ERBB4: variants seen among roughly 807,000 people sequenced by gnomAD.
The protein encoded by ERBB4 is erb-b2 receptor tyrosine kinase 4, also known as receptor tyrosine-protein kinase erbB-4.
ERBB4 carries 42 observed loss-of-function variants against 158.0 expected under a neutral mutation model. The ratio of observed to expected loss-of-function variants is 0.27; its 90% CI spans 0.21 to 0.34. The LOEUF (loss-of-function observed/expected upper bound fraction) is 0.34, where lower values mean the gene tolerates loss of function less well. ERBB4 is among the 10% of genes least tolerant of loss of function. The pLI is 1.00. For synonymous variants in ERBB4, 583 were observed against 558.7 expected, an observed-to-expected ratio of 1.04 and a Z score of -0.61; for missense variants, 1,333 against 1,624.1, an observed-to-expected ratio of 0.82 and a Z score of 3.08.
At chr2:211,731,968 A>G (rs911614830) in intron 5 of ERBB4, among the ~76,000 whole-genome samples, 5 of 152,094 alleles carry the variant, frequency 3.3e-5, no homozygotes, top group African/African-American at 9.7e-5. Flanking sequence ...CCCATCTCCT[A>G]TATTCTGACT....
chr2:212,538,388 A>C, intron 1 of ERBB4, 61 bp downstream of exon 1: 65 of 1,389,348 alleles, frequency 4.7e-5, no homozygotes, highest in Non-Finnish European at 6.2e-5. Context: ...CAGGGGAGCC[A>C]CTCGAGGCAG....
chr2:212,494,408 C>G (rs974229212), intron 1 of ERBB4, among the ~76,000 whole-genome samples: 4 of 151,908 alleles, frequency 2.6e-5, no homozygotes, highest in Admixed American at 6.6e-5. Context: ...TAAAATTGAC[C>G]TGGGATTAAT....
At chr2:211,930,098 A>T (rs2080132768) in intron 3 of ERBB4, among the ~76,000 whole-genome samples, 1 of 152,132 alleles carries the variant, frequency 6.6e-6, no homozygotes, top group Non-Finnish European at 1.5e-5. Flanking sequence ...TTTTTTTAAC[A>T]TAGTTATGCT....
chr2:211,579,909 C>A (rs1176875000), intron 19 of ERBB4, among the ~76,000 whole-genome samples: 1 of 152,044 alleles, frequency 6.6e-6, no homozygotes, highest in Non-Finnish European at 1.5e-5. Context: ...CACACATTAA[C>A]CTACGTAACC....
chr2:212,074,627 G>A (rs919327927), intron 2 of ERBB4, among the ~76,000 whole-genome samples: 2 of 151,838 alleles, frequency 1.3e-5, no homozygotes, highest in Admixed American at 6.6e-5. Context: ...GGGAGACAAT[G>A]GTTATCTCCA....
intron 1 of ERBB4, among the ~76,000 whole-genome samples, chr2:212,193,857 G>A (rs1474258): frequency 0.98 from 149,124 of 152,094 alleles, 73,201 homozygotes; most frequent in Middle Eastern, 1. Flanking sequence ...GCTTCAAGGG[G>A]CCAGTAATGT....
At position 211,378,619 on chromosome 2, in the gene ERBB4, C is replaced by T. The variant is rs2062520624; in HGVS notation, c.*4996G>A. On this transcript the variant is annotated 3_prime_UTR_variant, in exon 28 of 28. Transcript: ENST00000342788. Reference sequence around the variant, plus strand: ...GATCAGAAAAATTTTATTAATTCTACCCAGAAGTATAAAAACTGGCCCCAT... The same window carrying T: ...GATCAGAAAAATTTTATTAATTCTATCCAGAAGTATAAAAACTGGCCCCAT... The T allele has an allele frequency of 1.3e-5, 3 of 232,432 alleles. No individual in the cohort carries two copies. In the East Asian group the frequency reaches 1.8e-4, roughly 14 times the overall value. The allele number at this position is 232,432 out of a possible 1,614,324, so 14.4% of individuals were successfully genotyped here. A position where few individuals can be genotyped will look rare whatever the true frequency, so the allele number is the denominator to read the frequency against.
intron 12 of ERBB4, among the ~76,000 whole-genome samples, chr2:211,694,804 TG>T (rs2072954382): frequency 6.6e-6 from 1 of 152,184 alleles, no homozygotes; most frequent in African/African-American, 2.4e-5. Flanking sequence ...CTTGGTAGGC[TG>T]CATTTTGTTT....
intron 2 of ERBB4, among the ~76,000 whole-genome samples, chr2:211,977,417 T>TTTTG (rs748982281): frequency 2.6e-5 from 4 of 151,932 alleles, no homozygotes; most frequent in Non-Finnish European, 4.4e-5. Context: ...ATCTATTATT[T>TTTTG]TTTGTTTGTT....
chr2:211,432,880 G>A (rs1454753637), intron 20 of ERBB4, among the ~76,000 whole-genome samples: 2 of 152,200 alleles, frequency 1.3e-5, no homozygotes, highest in Non-Finnish European at 2.9e-5. Context: ...GGCGGATAGG[G>A]AATAAAAACT....
chr2:212,255,858 T>A (rs1028475075), intron 1 of ERBB4, among the ~76,000 whole-genome samples: 3 of 152,140 alleles, frequency 2.0e-5, no homozygotes, highest in African/African-American at 7.2e-5. Context: ...TCTCCCTCTG[T>A]TGCCCAAGGT....
At chr2:211,652,553 T>G (rs12996040) in intron 16 of ERBB4, among the ~76,000 whole-genome samples, 1 of 152,010 alleles carries the variant, frequency 6.6e-6, no homozygotes, top group Admixed American at 6.5e-5. Context: ...ATATCATCTC[T>G]CTCATATATC....
At chr2:211,702,463 T>G (rs2073288896) in intron 11 of ERBB4, among the ~76,000 whole-genome samples, 1 of 152,170 alleles carries the variant, frequency 6.6e-6, no homozygotes, top group Non-Finnish European at 1.5e-5. Flanking sequence ...AAGACTTAAC[T>G]TTACATTGTT....
intron 20 of ERBB4, among the ~76,000 whole-genome samples, chr2:211,462,093 G>A (rs1005181767): frequency 2.6e-5 from 4 of 151,918 alleles, no homozygotes; most frequent in Admixed American, 2.0e-4. Context: ...GGCTCTACAG[G>A]AAGCATGATG....
At chr2:212,248,325 G>A (rs1163513250) in intron 1 of ERBB4, among the ~76,000 whole-genome samples, 1 of 152,054 alleles carries the variant, frequency 6.6e-6, no homozygotes, top group Admixed American at 6.6e-5. Flanking sequence ...CACCTAATAT[G>A]CCTTTTCCTT....
chr2:211,416,014 T>C (rs551360140), intron 25 of ERBB4, among the ~76,000 whole-genome samples: 6 of 152,334 alleles, frequency 3.9e-5, no homozygotes, highest in African/African-American at 1.4e-4. Context: ...CTACAATTTC[T>C]CTGTCTTCCA....
At chr2:212,280,198 G>A in intron 1 of ERBB4, among the ~76,000 whole-genome samples, 1 of 151,684 alleles carries the variant, frequency 6.6e-6, no homozygotes, top group African/African-American at 2.4e-5. Context: ...CAGCCACCCA[G>A]TTGCTCTCAA....
chr2:212,510,130 A>ATG (rs1265454901), intron 1 of ERBB4, among the ~76,000 whole-genome samples: 3 of 148,208 alleles, frequency 2.0e-5, no homozygotes, highest in Admixed American at 6.8e-5. Flanking sequence ...GAAAGGTAAG[A>ATG]TGTGTGTGTA....
At chr2:211,581,702 A>AT (rs2068109790) in intron 19 of ERBB4, among the ~76,000 whole-genome samples, 2 of 151,658 alleles carry the variant, frequency 1.3e-5, no homozygotes, top group South Asian at 2.1e-4. Context: ...CTATGGCCTC[A>AT]TTTTTTTCCC....
Sources: allele counts gnomAD v4.1 joint callset (sites outside exome capture counted in the v4.1 genomes callset), GRCh38; gene constraint gnomAD v4.1.1; transcripts MANE v1.5; gene names NCBI Gene and HGNC (gene_info 2026-07-23, HGNC 2026-07-21).